The following QTMAN variants were observed in gnomAD, a reference collection of about 807,000 sequenced individuals.
The protein encoded by QTMAN is tRNA-queuosine alpha-mannosyltransferase.
At chr2:144,068,571 G>A in the QTMAN span, among the ~76,000 whole-genome samples, 1 of 152,196 alleles carries the variant, frequency 6.6e-6, no homozygotes, top group African/African-American at 2.4e-5. Flanking sequence ...ATATGCAAAT[G>A]TGGTAAATCA....
At chr2:144,272,935 T>C in the QTMAN span, among the ~76,000 whole-genome samples, 18 of 152,304 alleles carry the variant, frequency 1.2e-4, no homozygotes, top group South Asian at 3.5e-3. Context: ...ATTGTTAATA[T>C]GATCAATTCA....
chr2:144,265,026 T>G, the QTMAN span, among the ~76,000 whole-genome samples: 1 of 152,238 alleles, frequency 6.6e-6, no homozygotes, highest in African/African-American at 2.4e-5. Context: ...AGTGTACTGA[T>G]TTGTCAAGAT....
chr2:144,286,660 C>T, the QTMAN span, among the ~76,000 whole-genome samples: 1 of 152,182 alleles, frequency 6.6e-6, no homozygotes, highest in Non-Finnish European at 1.5e-5. Flanking sequence ...CTATAAAAGA[C>T]ACTTGTGGAA....
the QTMAN span, among the ~76,000 whole-genome samples, chr2:144,111,681 TTTG>T: frequency 2.0e-5 from 3 of 152,130 alleles, no homozygotes; most frequent in African/African-American, 7.2e-5. Flanking sequence ...CAGGCCAGCA[TTTG>T]TTATCTTTAA....
chr2:143,978,871 G>C, the QTMAN span, among the ~76,000 whole-genome samples: 1 of 152,134 alleles, frequency 6.6e-6, no homozygotes, highest in Non-Finnish European at 1.5e-5. Context: ...TTTCCTCCAA[G>C]AAACATGTAG....
the QTMAN span, among the ~76,000 whole-genome samples, chr2:144,284,932 AC>A: frequency 8.9e-5 from 13 of 146,114 alleles, no homozygotes; most frequent in Non-Finnish European, 1.9e-4. Flanking sequence ...GGGAGGCCAA[AC>A]TTTTTTTTTT....
the QTMAN span, among the ~76,000 whole-genome samples, chr2:144,257,366 T>C: frequency 2.0e-5 from 3 of 151,822 alleles, no homozygotes; most frequent in Non-Finnish European, 4.4e-5. Context: ...AGGAAAGGTT[T>C]CTCCAGAAAA....
At chr2:143,942,652 G>A in the QTMAN span, 3 of 167,116 alleles carry the variant, frequency 1.8e-5, no homozygotes, top group Admixed American at 6.5e-5. Context: ...AATGCCACAG[G>A]CATCTGTTAG....
At chr2:144,149,062 C>T in the QTMAN span, among the ~76,000 whole-genome samples, 1 of 151,852 alleles carries the variant, frequency 6.6e-6, no homozygotes, top group Admixed American at 6.6e-5. Context: ...GATCCATAGG[C>T]AATTTTTACT....
At chr2:144,299,544 C>T in the QTMAN span, among the ~76,000 whole-genome samples, 1 of 152,176 alleles carries the variant, frequency 6.6e-6, no homozygotes, top group African/African-American at 2.4e-5. Flanking sequence ...TACAGAACAG[C>T]ACTTGGGCTC....
At chr2:144,138,785 G>A in the QTMAN span, among the ~76,000 whole-genome samples, 1 of 152,152 alleles carries the variant, frequency 6.6e-6, no homozygotes, top group African/African-American at 2.4e-5. Context: ...TTTGGTATTG[G>A]AGTGTTCTAA....
the QTMAN span, among the ~76,000 whole-genome samples, chr2:144,098,481 G>A: frequency 6.6e-5 from 10 of 152,174 alleles, no homozygotes; most frequent in East Asian, 1.9e-4. Flanking sequence ...TTGGGAGGCC[G>A]AGGCGGGCAG....
chr2:144,130,373 T>G, the QTMAN span, among the ~76,000 whole-genome samples: 4 of 151,910 alleles, frequency 2.6e-5, no homozygotes, highest in Non-Finnish European at 1.5e-5. Flanking sequence ...TGGCACTCAG[T>G]ACAGCATAGT....
chr2:144,050,100 A>G, the QTMAN span, among the ~76,000 whole-genome samples: 1 of 152,164 alleles, frequency 6.6e-6, no homozygotes, highest in Non-Finnish European at 1.5e-5. Context: ...GTCCTCCTCA[A>G]AATTAATACA....
the QTMAN span, among the ~76,000 whole-genome samples, chr2:144,180,523 T>C: frequency 6.6e-6 from 1 of 152,202 alleles, no homozygotes; most frequent in South Asian, 2.1e-4. Context: ...CCCTATTTCC[T>C]CAAACAGTAA....
the QTMAN span, among the ~76,000 whole-genome samples, chr2:144,069,721 T>C: frequency 6.6e-6 from 1 of 152,096 alleles, no homozygotes; most frequent in South Asian, 2.1e-4. Context: ...TTTCATGCTT[T>C]TGAAATATTC....
chr2:143,964,396 T>A, the QTMAN span, among the ~76,000 whole-genome samples: 9 of 152,302 alleles, frequency 5.9e-5, no homozygotes, highest in East Asian at 1.7e-3. Context: ...TTCATCTCAA[T>A]GTATTTATCT....
chr2:144,030,609 C>T, the QTMAN span, among the ~76,000 whole-genome samples: 1 of 151,800 alleles, frequency 6.6e-6, no homozygotes, highest in African/African-American at 2.4e-5. Flanking sequence ...GGCTGGTTCT[C>T]TAACCTAGAT....
chr2:144,038,675 G>C, the QTMAN span, among the ~76,000 whole-genome samples: 1 of 152,240 alleles, frequency 6.6e-6, no homozygotes, highest in African/African-American at 2.4e-5. Context: ...ATGAAATCTT[G>C]TGAAACAAAA....
Sources: gnomAD v4.1 joint callset for allele counts (sites outside exome capture counted in the v4.1 genomes callset) on GRCh38, gnomAD v4.1.1 for gene constraint, MANE v1.5 for transcripts, NCBI Gene and HGNC (gene_info 2026-07-23, HGNC 2026-07-21) for gene names.